Variants in FNDC3B observed in about 807,000 individuals in gnomAD.
FNDC3B encodes fibronectin type III domain-containing protein 3B.
Under a neutral mutation model 151.5 loss-of-function variants are expected in FNDC3B, and 12 were observed. The observed-to-expected ratio is 0.08, with a 90% confidence interval of 0.05 to 0.13. FNDC3B has a LOEUF of 0.13. Ranked by LOEUF, FNDC3B falls within the 10% of genes least tolerant of loss-of-function variation. FNDC3B has a pLI of 1.00. For missense variants in FNDC3B, 1,214 were observed against 1,505.3 expected (o/e 0.81, Z 3.20); for synonymous variants, 528 against 549.0 (o/e 0.96, Z 0.54).
intron 1 of FNDC3B, among the ~76,000 whole-genome samples, chr3:172,097,246 G>T (rs569674758): frequency 3.3e-5 from 5 of 152,150 alleles, no homozygotes; most frequent in Non-Finnish European, 7.4e-5. Context: ...AGCTGTTTGG[G>T]TTGGTCCTAG....
intron 1 of FNDC3B, among the ~76,000 whole-genome samples, chr3:172,044,332 A>G (rs1716257082): frequency 7.6e-6 from 1 of 131,562 alleles, no homozygotes; most frequent in Non-Finnish European, 1.6e-5. Context: ...AAGGCAAATT[A>G]TAATGTAATC....
chr3:172,283,137 G>GA (rs1242559320), intron 6 of FNDC3B, among the ~76,000 whole-genome samples: 5 of 152,342 alleles, frequency 3.3e-5, no homozygotes, highest in African/African-American at 1.2e-4. Flanking sequence ...GAGAAGGCAA[G>GA]TCCTGACCTC....
intron 1 of FNDC3B, among the ~76,000 whole-genome samples, chr3:172,098,760 A>C (rs1471958643): frequency 2.0e-5 from 3 of 152,228 alleles, no homozygotes; most frequent in Non-Finnish European, 2.9e-5. Flanking sequence ...GGTTGTGAAC[A>C]ACACTGGCTT....
At chr3:172,196,359 T>C (rs947456285) in intron 3 of FNDC3B, among the ~76,000 whole-genome samples, 7 of 151,924 alleles carry the variant, frequency 4.6e-5, no homozygotes, top group Non-Finnish European at 8.8e-5. Context: ...CAGCTAATTT[T>C]TTTTTTTGTA....
At chr3:172,079,674 A>G (rs1033707749) in intron 1 of FNDC3B, among the ~76,000 whole-genome samples, 3 of 152,130 alleles carry the variant, frequency 2.0e-5, no homozygotes, top group African/African-American at 7.2e-5. Context: ...TCTAATAAAG[A>G]CAGGATTTGG....
rs760009697 is a variant in FNDC3B at position 172,397,302 on chromosome 3, T to G, written c.3442T>G (p.Phe1148Val). The change falls in exon 26 of 26, where the codon TTT becomes GTT. Residue 1148 changes from phenylalanine (F) to valine (V), a missense_variant. Physicochemically the swap from Phe to Val is conservative, Grantham distance 50. Coordinates refer to ENST00000415807, the MANE Select transcript of FNDC3B (RefSeq NM_022763.4). ...LSGAFSPSAA[F>V]VLQRSEVMLT... Reference sequence around the variant, plus strand: ...CGGAGCCTTCAGCCCCTCTGCGGCTTTTGTATTACAACGAAGTGAGGTCAT... The same window carrying G: ...CGGAGCCTTCAGCCCCTCTGCGGCTGTTGTATTACAACGAAGTGAGGTCAT... 1 of 1,614,174 alleles carries G rather than the reference T, an allele frequency of 6.2e-7. No homozygotes were observed. The highest frequency in any genetic ancestry group is 2.2e-5 in the East Asian group (1 of 44,878).
intron 3 of FNDC3B, among the ~76,000 whole-genome samples, chr3:172,160,234 T>C (rs947634648): frequency 6.6e-6 from 1 of 152,244 alleles, no homozygotes; most frequent in Non-Finnish European, 1.5e-5. Context: ...TCATAGACCT[T>C]TGCCTGGAAT....
intron 8 of FNDC3B, 26 bp from the exon 9 acceptor site, chr3:172,298,702 A>G: frequency 6.4e-7 from 1 of 1,568,094 alleles, no homozygotes. Context: ...TGGAATTAGC[A>G]ACTAATGAAT....
rs994892933 is a variant in FNDC3B at position 172,346,451 on chromosome 3, C to T, written c.2364+11C>T. On this transcript the variant is annotated intron_variant, in intron 20 of 25. Coordinates refer to ENST00000415807, the MANE Select transcript of FNDC3B (RefSeq NM_022763.4). ...TTAGTGGGTTGGGAGGTAAGTCAGG[C>T]ATATTCTGCATCAACTTCTGTTTCT... 2.0e-6 allele frequency: 3 copies of T among 1,487,434 alleles called. No homozygotes were observed. The highest frequency in any genetic ancestry group is 1.4e-5 in the African/African-American group (1 of 71,878). The allele number at this position is 1,487,434 out of a possible 1,614,324, so 92.1% of individuals were successfully genotyped here.
chr3:172,147,130 A>C (rs1576907853), intron 3 of FNDC3B, among the ~76,000 whole-genome samples: 1 of 152,018 alleles, frequency 6.6e-6, no homozygotes, highest in African/African-American at 2.4e-5. Context: ...ACATAGCAAA[A>C]CCCTGTCTCT....
intron 14 of FNDC3B, among the ~76,000 whole-genome samples, chr3:172,334,320 C>G (rs993518681): frequency 4.5e-5 from 1 of 22,136 alleles, no homozygotes; most frequent in African/African-American, 4.9e-4. Flanking sequence ...TTTTTATGTC[C>G]CCCCCCCCAC....
chr3:172,096,710 A>G (rs1719106621), intron 1 of FNDC3B, among the ~76,000 whole-genome samples: 1 of 152,258 alleles, frequency 6.6e-6, no homozygotes, highest in Admixed American at 6.5e-5. Flanking sequence ...GAGGAAATAC[A>G]TCATCATTTT....
chr3:172,068,175 G>A (rs1717595484), intron 1 of FNDC3B, among the ~76,000 whole-genome samples: 1 of 152,124 alleles, frequency 6.6e-6, no homozygotes, highest in Admixed American at 6.5e-5. Flanking sequence ...ATTCCCCCCA[G>A]TGGACTCCCA....
chr3:172,344,254 G>T lies in FNDC3B; in HGVS notation c.2246G>T (p.Gly749Val). ...YRFRVRALND[G>V]GYGPYSDVSE... ...TTCCGGGTGAGGGCTCTGAATGATG[G>T]AGGGGTGAGTATAAGCCCATACACC... Residue 749 changes from glycine (G) to valine (V), a missense_variant, in exon 19 of 26, where the codon GGA becomes GTA. Physicochemically the swap from Gly to Val is moderately radical, Grantham distance 109. Coordinates refer to ENST00000415807, the MANE Select transcript of FNDC3B (RefSeq NM_022763.4). The T allele has an allele frequency of 6.2e-7, 1 of 1,613,690 alleles. No homozygotes were observed. Among genetic ancestry groups the T allele is most frequent in the Non-Finnish European group, 8.5e-7 (1 of 1,179,748 alleles).
rs1247630691 is a variant in FNDC3B, at chr3:172,397,674, TTTAAAAAAAA to T, written c.*200_*209del. On this transcript the variant is annotated 3_prime_UTR_variant, in exon 26 of 26. Transcript: ENST00000415807. ...GAAAAGGTTAAACTGGATTTTTTTT[TTTAAAAAAAA>T]GAAAAAAAAAGAAGAAAAGTATACC... is the stretch of plus-strand genomic sequence containing the variant. 3.6e-6 allele frequency: 1 copy of T among 277,734 alleles called. No individual in the cohort carries two copies. Among genetic ancestry groups the T allele is most frequent in the South Asian group, 2.0e-4 (1 of 4,884 alleles). 17.2% of individuals were successfully genotyped at this position (277,734 alleles called of 1,614,324 possible).
At chr3:172,328,810 G>A (rs1732484973) in intron 11 of FNDC3B, 142 bp from the exon 12 acceptor site, 2 of 604,394 alleles carry the variant, frequency 3.3e-6, no homozygotes, top group Non-Finnish European at 5.4e-6. Context: ...ACACTTCCCT[G>A]TAAGTTTCTA....
intron 3 of FNDC3B, among the ~76,000 whole-genome samples, chr3:172,209,461 C>T (rs1725610896): frequency 6.6e-6 from 1 of 152,148 alleles, no homozygotes; most frequent in Non-Finnish European, 1.5e-5. Context: ...AGGAACAGCT[C>T]TCAGTGGAGA....
chr3:172,330,085 A>C (rs759128407), intron 12 of FNDC3B: 2 of 152,940 alleles, frequency 1.3e-5, no homozygotes, highest in East Asian at 3.8e-4. Flanking sequence ...TTTGGTTTCC[A>C]CAGGGGATTG....
chr3:172,094,491 C>G (rs1207695698), intron 1 of FNDC3B, among the ~76,000 whole-genome samples: 1 of 152,056 alleles, frequency 6.6e-6, no homozygotes, highest in African/African-American at 2.4e-5. Context: ...TATTTTATTC[C>G]TTTTTAAGGA....
Sources: gnomAD v4.1 joint callset for allele counts (sites outside exome capture counted in the v4.1 genomes callset) on GRCh38, gnomAD v4.1.1 for gene constraint, MANE v1.5 for transcripts, NCBI Gene and HGNC (gene_info 2026-07-23, HGNC 2026-07-21) for gene names.